The following MAVS variants were observed in gnomAD, a reference collection of about 807,000 sequenced individuals.
MAVS encodes mitochondrial antiviral signaling protein.
MAVS carries 20 observed loss-of-function variants against 30.2 expected under a neutral mutation model. The ratio of observed to expected loss-of-function variants is 0.66; its 90% CI spans 0.47 to 0.96. MAVS has a LOEUF of 0.96. MAVS is among the 40% of genes least tolerant of loss of function. The pLI is 0.00. For synonymous variants in MAVS, 278 were observed against 293.9 expected (o/e 0.95, Z 0.55); for missense variants, 624 against 701.1 (o/e 0.89, Z 1.24).
intron 3 of MAVS, among the ~76,000 whole-genome samples, chr20:3,860,684 T>C (rs1273300615): frequency 6.7e-6 from 1 of 149,878 alleles, no homozygotes; most frequent in Admixed American, 6.6e-5. Flanking sequence ...TTCTTTTTCT[T>C]TTTTTCCCCC....
At position 3,874,378 on chromosome 20, in the gene MAVS, G is replaced by A; in HGVS notation, c.*8231G>A. ...TTCCAGACTCCCTGTTGGAGATGTG[G>A]AAATAAAAACCACCTAAACAAGAGC... is the stretch of plus-strand genomic sequence containing the variant. On this transcript the variant is annotated 3_prime_UTR_variant, in exon 7 of 7. Transcript: ENST00000428216. 1 of 397,100 alleles carries A rather than the reference G, an allele frequency of 2.5e-6. No individual in the cohort carries two copies. The highest frequency in any genetic ancestry group is 4.4e-6 in the Non-Finnish European group (1 of 225,618). 24.6% of individuals were successfully genotyped at this position (397,100 alleles called of 1,614,324 possible).
At chr20:3,856,891 C>A (rs1303183526) in intron 2 of MAVS, among the ~76,000 whole-genome samples, 1 of 151,934 alleles carries the variant, frequency 6.6e-6, no homozygotes, top group Non-Finnish European at 1.5e-5. Flanking sequence ...AAAAAATTAG[C>A]CGGGTGTGGT....
At chr20:3,851,553 C>T (rs1220218571) in intron 1 of MAVS, among the ~76,000 whole-genome samples, 1 of 148,600 alleles carries the variant, frequency 6.7e-6, no homozygotes, top group Non-Finnish European at 1.5e-5. Flanking sequence ...ACCGTACTGT[C>T]AAAACAAGCT....
chr20:3,858,565 C>T (rs865966880), intron 3 of MAVS, among the ~76,000 whole-genome samples: 6 of 150,090 alleles, frequency 4.0e-5, no homozygotes, highest in Non-Finnish European at 8.9e-5. Context: ...CTCAGGAGGC[C>T]GAGGCAGGAG....
chr20:3,873,911 G>GGT lies in MAVS; in HGVS notation c.*7765_*7766dup. Reference sequence around the variant, plus strand: ...AACTGATCCAGCAGTTCCACTCCTGGGTATGTACACCACAGAAAGCTATGT... The same window carrying GGT: ...AACTGATCCAGCAGTTCCACTCCTGGGTGTATGTACACCACAGAAAGCTATGT... On this transcript the variant is annotated 3_prime_UTR_variant, in exon 7 of 7. Coordinates refer to ENST00000428216, the MANE Select transcript of MAVS (RefSeq NM_020746.5). The GGT allele has an allele frequency of 2.5e-6, 1 of 392,946 alleles. No homozygotes were observed. The highest frequency in any genetic ancestry group is 3.6e-5 in the East Asian group (1 of 27,752). 24.3% of individuals were successfully genotyped at this position (392,946 alleles called of 1,614,324 possible).
intron 3 of MAVS, among the ~76,000 whole-genome samples, chr20:3,859,973 T>A (rs185771588): frequency 1.3e-5 from 2 of 151,386 alleles, no homozygotes; most frequent in Non-Finnish European, 2.9e-5. Flanking sequence ...CCTGCAACCA[T>A]GCCCGGCTAA....
rs369865848 is a variant in MAVS at position 3,861,056 on chromosome 20, G to A, written c.293-276G>A. Among the ~76,000 whole-genome samples the A allele has an allele frequency of 2.7e-4, 40 of 148,506 alleles. No individual in the cohort carries two copies. The East Asian group carries it at 6.4e-3, about 24-fold the overall frequency. On this transcript the variant is annotated intron_variant, in intron 3 of 6. Coordinates refer to ENST00000428216, the MANE Select transcript of MAVS (RefSeq NM_020746.5). Reference sequence around the variant, plus strand: ...CGCCCAGGCTGGAGTGCAGTGGCGCGATCTTGGCTTACTGCAAGCTCCGCC... The same window carrying A: ...CGCCCAGGCTGGAGTGCAGTGGCGCAATCTTGGCTTACTGCAAGCTCCGCC...
Position 3,854,579 on chromosome 20 carries a change from C to G in MAVS, c.-46C>G. On this transcript the variant is annotated 5_prime_UTR_variant, in exon 2 of 7. It adds an upstream start codon to the 5' untranslated region. Coordinates refer to ENST00000428216, the MANE Select transcript of MAVS (RefSeq NM_020746.5). ...CCAGTCTCGTTTCCTCTCAGTCCAT[C>G]CACCCTTCATGGGGCCAGAGCCCTC... The G allele has an allele frequency of 1.5e-6, 2 of 1,372,872 alleles. No individual in the cohort carries two copies. Among genetic ancestry groups the G allele is most frequent in the Non-Finnish European group, 2.1e-6 (2 of 968,998 alleles). 85.0% of individuals were successfully genotyped at this position (1,372,872 alleles called of 1,614,324 possible). A position where few individuals can be genotyped will look rare whatever the true frequency, so the allele number is the denominator to read the frequency against.
At chr20:3,860,781 ATTC>A (rs1388723112) in intron 3 of MAVS, among the ~76,000 whole-genome samples, 1 of 150,296 alleles carries the variant, frequency 6.7e-6, no homozygotes, top group African/African-American at 2.5e-5. Context: ...GGTTCAAGCA[ATTC>A]TTCTGCCTCA....
rs781093718 is a variant in MAVS, at chr20:3,861,422, T to C, written c.383T>C (p.Ile128Thr). 8 of 1,613,916 alleles carry C rather than the reference T, an allele frequency of 5.0e-6. No individual in the cohort carries two copies. The highest frequency in any genetic ancestry group is 1.6e-4 in the Middle Eastern group (1 of 6,084). Reference protein sequence around the residue: ...GPPTPAAAHSIPYNSCREKEP... With the variant: ...GPPTPAAAHSTPYNSCREKEP... ...CCCACACCTGCTGCGGCCCACAGCATCCCCTACAACAGCTGCAGAGAGAAG... is the reference window on the plus strand; with the variant it reads ...CCCACACCTGCTGCGGCCCACAGCACCCCCTACAACAGCTGCAGAGAGAAG... The change falls in exon 4 of 7, where the codon ATC (isoleucine) becomes ACC (threonine). Residue 128 changes from isoleucine to threonine, a missense_variant. Transcript: ENST00000428216.
chr20:3,850,242 A>C (rs1298378708), intron 1 of MAVS, among the ~76,000 whole-genome samples: 15 of 128,486 alleles, frequency 1.2e-4, no homozygotes, highest in Non-Finnish European at 6.2e-5. Flanking sequence ...GCACCACTGC[A>C]CTCCAGCCTG....
At position 3,861,472 on chromosome 20, in the gene MAVS, C is replaced by A; in HGVS notation, c.433C>A (p.Gln145Lys). The change falls in exon 4 of 7, where the codon CAG becomes AAG. Residue 145 changes from glutamine to lysine, a missense_variant. Gln to Lys is a moderately conservative substitution (Grantham distance 53). Coordinates refer to ENST00000428216, the MANE Select transcript of MAVS (RefSeq NM_020746.5). Reference protein sequence around the residue: ...EKEPSYPMPVQETQAPESPGE... With the variant: ...EKEPSYPMPVKETQAPESPGE... ...GGAGCCAAGTTACCCCATGCCTGTC[C>A]AGGAGACCCAGGCGCCAGAGTCCCC... The A allele has an allele frequency of 1.2e-6, 2 of 1,614,110 alleles. No individual in the cohort carries two copies. The highest frequency in any genetic ancestry group is 1.7e-6 in the Non-Finnish European group (2 of 1,179,990).
chr20:3,848,287 C>T (rs373070086), intron 1 of MAVS, among the ~76,000 whole-genome samples: 30 of 152,122 alleles, frequency 2.0e-4, no homozygotes, highest in Admixed American at 3.3e-4. Flanking sequence ...TTAGTAGAGA[C>T]GGGGTTTCAC....
chr20:3,852,390 C>CT (rs2089769377), intron 1 of MAVS, among the ~76,000 whole-genome samples: 1 of 152,322 alleles, frequency 6.6e-6, no homozygotes, highest in South Asian at 2.1e-4. Flanking sequence ...AACTAGCAAG[C>CT]ATACCTCAGT....
At chr20:3,863,682 C>T (rs1015846808) in intron 5 of MAVS, among the ~76,000 whole-genome samples, 4 of 152,246 alleles carry the variant, frequency 2.6e-5, no homozygotes, top group Admixed American at 1.3e-4. Context: ...CTTTACAGAC[C>T]ATCACCACCT....
chr20:3,857,744 TGA>T lies in MAVS; in HGVS notation c.229_230del (p.Arg77GlyfsTer3), dbSNP rs2089824393. ...TGGGTGGAGTACTTCATTGCGGCACTGAGGGGCTGTGAGCTAGTTGATCTCGC... is the reference window on the plus strand; with the variant it reads ...TGGGTGGAGTACTTCATTGCGGCACTGGGGCTGTGAGCTAGTTGATCTCGC... On this transcript the variant is annotated frameshift_variant, in exon 3 of 7. Coordinates refer to ENST00000428216, the MANE Select transcript of MAVS (RefSeq NM_020746.5). LOFTEE classifies it high-confidence loss of function. The T allele has an allele frequency of 6.2e-7, 1 of 1,614,112 alleles. No individual in the cohort carries two copies. The highest frequency in any genetic ancestry group is 8.5e-7 in the Non-Finnish European group (1 of 1,180,050).
rs755847083 is a variant in MAVS at position 3,861,543 on chromosome 20, G to A, written c.465+39G>A. The A allele has an allele frequency of 2.1e-5, 34 of 1,595,410 alleles. 2 individuals are homozygous for A. Among genetic ancestry groups the A allele is most frequent in the East Asian group, 1.3e-4 (6 of 44,596 alleles). On this transcript the variant is annotated intron_variant, in intron 4 of 6. Coordinates refer to ENST00000428216, the MANE Select transcript of MAVS (RefSeq NM_020746.5). ...GTCTACCTTGAGCCACCACTTTTGTGTTCCTATCTGCCCACTTCTGCCCAT... is the reference window on the plus strand; with the variant it reads ...GTCTACCTTGAGCCACCACTTTTGTATTCCTATCTGCCCACTTCTGCCCAT...
At chr20:3,856,513 G>A (rs937637972) in intron 2 of MAVS, among the ~76,000 whole-genome samples, 5 of 151,606 alleles carry the variant, frequency 3.3e-5, no homozygotes, top group Admixed American at 6.6e-5. Context: ...TACCACACCC[G>A]GCTAATTTTT....
chr20:3,864,850 T>A (rs1044077050), intron 6 of MAVS, 62 bp downstream of exon 6: 6 of 1,572,086 alleles, frequency 3.8e-6, no homozygotes, highest in Middle Eastern at 1.8e-4. Context: ...CTTGCCCACC[T>A]GGCCCTGGCC....
Sources: gnomAD v4.1 joint callset for allele counts (sites outside exome capture counted in the v4.1 genomes callset) on GRCh38, gnomAD v4.1.1 for gene constraint, MANE v1.5 for transcripts, NCBI Gene and HGNC (gene_info 2026-07-23, HGNC 2026-07-21) for gene names.